Variants in ACTR3C observed in about 807,000 individuals in gnomAD.
ACTR3C encodes actin related protein 3C, also known as actin-related protein 3C.
ACTR3C carries 18 observed loss-of-function variants against 26.3 expected under a neutral mutation model. The ratio of observed to expected loss-of-function variants is 0.68; its 90% CI spans 0.47 to 1.01. The LOEUF is 1.01. Ranked by LOEUF, ACTR3C falls within the 50% of genes least tolerant of loss-of-function variation. The probability of loss-of-function intolerance (pLI) is 0.00; values close to 1 mark genes in which losing one functional copy is unlikely to be tolerated. For synonymous variants in ACTR3C, 55 were observed against 94.5 expected (o/e 0.58, Z 2.42); for missense variants, 184 against 250.7 (o/e 0.73, Z 1.80).
intron 6 of ACTR3C, among the ~76,000 whole-genome samples, chr7:150,271,119 G>A (rs1834417249): frequency 7.3e-6 from 1 of 137,574 alleles, no homozygotes; most frequent in Non-Finnish European, 1.5e-5. Context: ...TCCTAATAGA[G>A]CAAAAAGTGG....
At chr7:150,156,502 C>T in the ACTR3C span, among the ~76,000 whole-genome samples, 11 of 151,060 alleles carry the variant, frequency 7.3e-5, no homozygotes, top group African/African-American at 2.4e-4. Flanking sequence ...CAAGAACTAT[C>T]GAGCATGTGC....
At chr7:150,198,742 G>A in the ACTR3C span, among the ~76,000 whole-genome samples, 441 of 145,754 alleles carry the variant, frequency 3.0e-3, 4 homozygotes, top group Non-Finnish European at 4.1e-3. Context: ...CACCCCGTCC[G>A]GGAGGGAGGT....
chr7:150,189,380 T>C, the ACTR3C span, among the ~76,000 whole-genome samples: 2 of 152,216 alleles, frequency 1.3e-5, no homozygotes, highest in Admixed American at 6.5e-5. Context: ...TCCATTTGAG[T>C]TCCCCAAATA....
the ACTR3C span, among the ~76,000 whole-genome samples, chr7:149,954,140 T>C: frequency 9.9e-5 from 15 of 151,158 alleles, no homozygotes; most frequent in African/African-American, 3.2e-4. Context: ...ATGAAAGTAG[T>C]GATTACAATG....
the ACTR3C span, among the ~76,000 whole-genome samples, chr7:150,195,592 G>T: frequency 1.4e-5 from 2 of 143,566 alleles, no homozygotes; most frequent in South Asian, 2.1e-4. Context: ...GATCACTTCA[G>T]GGGGGGCCAG....
At chr7:150,065,188 T>C in the ACTR3C span, among the ~76,000 whole-genome samples, 4 of 152,110 alleles carry the variant, frequency 2.6e-5, no homozygotes, top group African/African-American at 9.7e-5. Context: ...AAAATTGCAT[T>C]CTGAAGTGAG....
the ACTR3C span, among the ~76,000 whole-genome samples, chr7:150,031,286 A>AAAC: frequency 4.4e-4 from 66 of 150,682 alleles, no homozygotes; most frequent in Middle Eastern, 3.4e-3. Flanking sequence ...AAAAAAAAAA[A>AAAC]AACAAATCTG....
the ACTR3C span, among the ~76,000 whole-genome samples, chr7:149,924,856 G>C: frequency 6.6e-6 from 1 of 152,028 alleles, no homozygotes; most frequent in Non-Finnish European, 1.5e-5. Flanking sequence ...TCAAATTCCT[G>C]GCCTCAAGTG....
At chr7:150,024,264 T>C in the ACTR3C span, among the ~76,000 whole-genome samples, 2 of 151,996 alleles carry the variant, frequency 1.3e-5, no homozygotes, top group Admixed American at 6.5e-5. Flanking sequence ...CCAGGGTCCC[T>C]GAACCTGCAG....
At chr7:150,216,683 G>A in the ACTR3C span, among the ~76,000 whole-genome samples, 2 of 151,832 alleles carry the variant, frequency 1.3e-5, no homozygotes, top group East Asian at 1.9e-4. Flanking sequence ...TATGAGAGGC[G>A]ACCATGTAAA....
the ACTR3C span, among the ~76,000 whole-genome samples, chr7:150,096,278 T>C: frequency 5.3e-5 from 8 of 150,862 alleles, no homozygotes; most frequent in East Asian, 1.3e-3. Flanking sequence ...AAAATGTCTA[T>C]CTCAATTAAT....
At position 150,289,571 on chromosome 7, in the gene ACTR3C, C is replaced by G; in HGVS notation, c.176G>C (p.Ser59Thr). ...IPVAEGYVIG[S>T]CIKHIPIAGR... is the part of the protein sequence containing the mutation. ...TGCAATCGGGATGTGTTTGATGCAG[C>G]TTCCAATTACATAACCTTCTGCCTA... is the stretch of plus-strand genomic sequence containing the variant. The change falls in exon 4 of 8, where the codon AGC becomes ACC. Residue 59 changes from serine to threonine, a missense_variant. Transcript: ENST00000683684. 1 of 1,585,442 alleles carries G rather than the reference C, an allele frequency of 6.3e-7. No homozygotes were observed. The highest frequency in any genetic ancestry group is 8.6e-7 in the Non-Finnish European group (1 of 1,164,922).
the ACTR3C span, among the ~76,000 whole-genome samples, chr7:150,130,602 C>T: frequency 6.6e-6 from 1 of 152,182 alleles, no homozygotes; most frequent in African/African-American, 2.4e-5. Flanking sequence ...TAACGTTAAA[C>T]ATAAACTTAT....
At chr7:150,168,398 A>C in the ACTR3C span, among the ~76,000 whole-genome samples, 1 of 150,786 alleles carries the variant, frequency 6.6e-6, no homozygotes, top group African/African-American at 2.5e-5. Flanking sequence ...TGAGAATCTA[A>C]TACCTGAAGA....
At chr7:150,032,038 C>T in the ACTR3C span, among the ~76,000 whole-genome samples, 1 of 152,242 alleles carries the variant, frequency 6.6e-6, no homozygotes, top group South Asian at 2.1e-4. Flanking sequence ...CAGCCTTGCC[C>T]CTTCTTCCGG....
chr7:150,040,722 C>T, the ACTR3C span: 5 of 146,642 alleles, frequency 3.4e-5, no homozygotes, highest in Admixed American at 3.4e-4. Context: ...CCAGGTGGTT[C>T]CTAAGGATCT....
the ACTR3C span, among the ~76,000 whole-genome samples, chr7:150,205,554 C>T: frequency 6.7e-6 from 1 of 149,610 alleles, no homozygotes; most frequent in Admixed American, 6.6e-5. Flanking sequence ...TTAGTAAACC[C>T]AGAAGATTTC....
At chr7:150,075,914 C>G in the ACTR3C span, among the ~76,000 whole-genome samples, 8 of 152,178 alleles carry the variant, frequency 5.3e-5, no homozygotes, top group Admixed American at 4.6e-4. Context: ...AGCCCCTCTG[C>G]TCGGACTCCA....
At chr7:150,110,426 GA>G in the ACTR3C span, among the ~76,000 whole-genome samples, 3,405 of 121,542 alleles carry the variant, frequency 0.028, 64 homozygotes, top group East Asian at 0.047. Flanking sequence ...AGCAAGGCTG[GA>G]AGCAGGTGGG....
Sources: allele counts gnomAD v4.1 joint callset (sites outside exome capture counted in the v4.1 genomes callset), GRCh38; gene constraint gnomAD v4.1.1; transcripts MANE v1.5; gene names NCBI Gene and HGNC (gene_info 2026-07-23, HGNC 2026-07-21).